The following HDAC11 variants were observed in gnomAD, a reference collection of about 807,000 sequenced individuals.
HDAC11 encodes histone deacetylase 11.
Under a neutral mutation model 41.1 loss-of-function variants are expected in HDAC11, and 23 were observed. The observed-to-expected ratio is 0.56, with a 90% confidence interval of 0.40 to 0.79. The LOEUF is 0.79. HDAC11 is among the 30% of genes least tolerant of loss of function. The pLI, the probability that HDAC11 is intolerant of heterozygous loss-of-function variation, is 0.00. For synonymous variants in HDAC11, 187 were observed against 186.6 expected (o/e 1.00, Z -0.02); for missense variants, 402 against 477.3 (o/e 0.84, Z 1.47).
chr3:13,501,493 T>TA (rs1702363442), intron 6 of HDAC11: 1 of 390,062 alleles, frequency 2.6e-6, no homozygotes, highest in African/African-American at 2.1e-5. Context: ...CTTGGCCTTG[T>TA]AGGATAAGGC....
intron 6 of HDAC11, 113 bp downstream of exon 6, chr3:13,500,902 G>T (rs142239259): frequency 3.7e-6 from 3 of 807,766 alleles, no homozygotes; most frequent in Admixed American, 3.5e-5. Flanking sequence ...CTATGCTGGA[G>T]CAGGGAGGGG....
In HDAC11 at chr3:13,480,427, C is replaced by A; in HGVS notation, c.2+78C>A. 1.1e-6 allele frequency: 1 copy of A among 920,422 alleles called. No individual in the cohort carries two copies. Among genetic ancestry groups the A allele is most frequent in the African/African-American group, 1.7e-5 (1 of 57,452 alleles). 57.0% of individuals were successfully genotyped at this position (920,422 alleles called of 1,614,324 possible). A position where few individuals can be genotyped will look rare whatever the true frequency, so the allele number is the denominator to read the frequency against. On this transcript the variant is annotated intron_variant, in intron 1 of 9. Transcript: ENST00000295757. The surrounding 1 kb of genome is among the most constrained non-coding windows in gnomAD (Gnocchi z 4.6). ...GGGCGCGCTAGGGCGAGGGCGGGGA[C>A]GGCCGGGCGGGCGCGCCAGGTAAGG... is the stretch of plus-strand genomic sequence containing the variant.
intron 4 of HDAC11, 122 bp from the exon 5 acceptor site, chr3:13,498,391 C>A: frequency 8.1e-7 from 1 of 1,234,518 alleles, no homozygotes; most frequent in Non-Finnish European, 1.2e-6. Context: ...CCTTGTAGCT[C>A]AGCTCATCCT....
At chr3:13,500,566 C>T (rs1574912249) in intron 5 of HDAC11, 147 bp from the exon 6 acceptor site, 2 of 653,532 alleles carry the variant, frequency 3.1e-6, no homozygotes, top group African/African-American at 3.6e-5. Context: ...CCCCAGCACT[C>T]AGCTTAGTTT....
intron 3 of HDAC11, among the ~76,000 whole-genome samples, chr3:13,486,267 C>CAAAAA (rs76727800): frequency 4.3e-3 from 280 of 64,874 alleles, no homozygotes; most frequent in African/African-American, 5.0e-3. Flanking sequence ...AACTCCATCT[C>CAAAAA]AAAAAAAAAA....
Position 13,506,240 on chromosome 3 carries a change from C to T in HDAC11, c.*1557C>T, listed in dbSNP as rs1286594316. 1.3e-5 allele frequency: 2 copies of T among 152,212 alleles called. No homozygotes were observed. The highest frequency in any genetic ancestry group is 3.9e-4 in the East Asian group (2 of 5,188). 9.4% of individuals were successfully genotyped at this position (152,212 alleles called of 1,614,324 possible). A position where few individuals can be genotyped will look rare whatever the true frequency, so the allele number is the denominator to read the frequency against. On this transcript the variant is annotated 3_prime_UTR_variant, in exon 10 of 10. Transcript: ENST00000295757. ...GGGCTCAGCCACAGACATGGTTTGT[C>T]ACTGTTGAGCTTCTGTTCCTAGAGA...
rs1702547571 is a variant in HDAC11, at chr3:13,504,834, C to T, written c.*151C>T. On this transcript the variant is annotated 3_prime_UTR_variant, in exon 10 of 10. Transcript: ENST00000295757. The stretch of plus-strand genomic sequence containing the variant: ...GGGCCTGGAGCTGGCCCTTCCTCTA[C>T]TTTTCCCTGCTGGAAGCCAGAAGGG... 2 of 702,036 alleles carry T rather than the reference C, an allele frequency of 2.8e-6. No individual in the cohort carries two copies. The highest frequency in any genetic ancestry group is 2.4e-5 in the Admixed American group (1 of 40,992). 43.5% of individuals were successfully genotyped at this position (702,036 alleles called of 1,614,324 possible). A position where few individuals can be genotyped will look rare whatever the true frequency, so the allele number is the denominator to read the frequency against.
intron 5 of HDAC11, among the ~76,000 whole-genome samples, chr3:13,500,413 G>T (rs1403050520): frequency 6.6e-6 from 1 of 152,200 alleles, no homozygotes; most frequent in Non-Finnish European, 1.5e-5. Flanking sequence ...CATGGAGCCA[G>T]GCCCAGCTTG....
chr3:13,491,026 G>C (rs1486816900), intron 3 of HDAC11, among the ~76,000 whole-genome samples: 1 of 151,478 alleles, frequency 6.6e-6, no homozygotes, highest in East Asian at 1.9e-4. Context: ...TGGTATTACA[G>C]GCATGAGCCA....
At chr3:13,481,448 C>T in intron 2 of HDAC11, 54 bp downstream of exon 2, 1 of 1,592,358 alleles carries the variant, frequency 6.3e-7, no homozygotes, top group East Asian at 2.2e-5. Flanking sequence ...CACCTGTCCT[C>T]TCCGTCCTCA....
At chr3:13,490,551 C>T (rs1284624152) in intron 3 of HDAC11, among the ~76,000 whole-genome samples, 2 of 152,034 alleles carry the variant, frequency 1.3e-5, no homozygotes, top group African/African-American at 4.8e-5. Flanking sequence ...ACAAATCTTG[C>T]ACCTCTTGGT....
At chr3:13,481,466 C>A in intron 2 of HDAC11, 72 bp downstream of exon 2, 1 of 1,550,096 alleles carries the variant, frequency 6.5e-7, no homozygotes, top group Non-Finnish European at 8.8e-7. Flanking sequence ...TCATCCCCAA[C>A]ATAAGCCTCA....
intron 4 of HDAC11, among the ~76,000 whole-genome samples, chr3:13,497,615 G>T (rs1407748438): frequency 6.6e-6 from 1 of 152,156 alleles, no homozygotes; most frequent in Non-Finnish European, 1.5e-5. Flanking sequence ...TGTGTGTGTG[G>T]TTTTTTTAAA....
At chr3:13,497,660 T>C (rs1702161481) in intron 4 of HDAC11, among the ~76,000 whole-genome samples, 1 of 152,150 alleles carries the variant, frequency 6.6e-6, no homozygotes, top group Non-Finnish European at 1.5e-5. Flanking sequence ...TATTTGGAGA[T>C]AGAGGAATGT....
chr3:13,483,670 A>G (rs906592571), intron 3 of HDAC11, 106 bp downstream of exon 3: 2 of 800,134 alleles, frequency 2.5e-6, no homozygotes, highest in Admixed American at 1.9e-5. Context: ...CAAGTCTCAC[A>G]GGGCACCCAT....
chr3:13,481,015 C>T, intron 1 of HDAC11: 1 of 561,116 alleles, frequency 1.8e-6, no homozygotes. Context: ...CTCTCTGAGC[C>T]TCTGGTGCGA....
At chr3:13,483,357 T>G in intron 2 of HDAC11, 107 bp from the exon 3 acceptor site, 1 of 897,054 alleles carries the variant, frequency 1.1e-6, no homozygotes, top group East Asian at 2.4e-5. Flanking sequence ...TACCTACCCC[T>G]GGGGCAGGGG....
Position 13,504,681 on chromosome 3 carries a change from T to C in HDAC11, c.1042T>C (p.Ter348ArgextTer32), listed in dbSNP as rs368703111. 1.6e-5 allele frequency: 26 copies of C among 1,612,768 alleles called. No homozygotes were observed. Among genetic ancestry groups the C allele is most frequent in the African/African-American group, 2.7e-5 (2 of 74,942 alleles). ...ACCGCTGCTTCCCCCTGCAGTGCCC[T>C]GACCCTTGCTGCCCTGCCTGTCACG... is the stretch of plus-strand genomic sequence containing the variant. ...DTPLLPPAVP[*>R] The change falls in exon 10 of 10, where the codon TGA becomes CGA. Residue 348 changes from the stop codon to arginine, a stop_lost. Transcript: ENST00000295757.
In HDAC11 at chr3:13,501,974, A is replaced by ACC. The variant is rs1447876040; in HGVS notation, c.552+45_552+46dup. On this transcript the variant is annotated intron_variant, in intron 7 of 9. Transcript: ENST00000295757. ...GGGCTGGACTCTTAGGGGACCTGCC[A>ACC]CCCCCAGTTCCAGAATCTTCCCGGG... 3 of 1,546,276 alleles carry ACC rather than the reference A, an allele frequency of 1.9e-6. No homozygotes were observed. In the South Asian group the frequency reaches 3.3e-5, roughly 17 times the overall value.
Sources: allele counts gnomAD v4.1 joint callset (sites outside exome capture counted in the v4.1 genomes callset), GRCh38; gene constraint gnomAD v4.1.1; non-coding constraint Gnocchi (gnomAD v3.1); transcripts MANE v1.5; gene names NCBI Gene and HGNC (gene_info 2026-07-23, HGNC 2026-07-21).